Variants in LOC400499 observed in about 807,000 individuals in gnomAD.
At chr16:11,383,883 C>T in the LOC400499 span, 1 of 1,232,190 alleles carries the variant, frequency 8.1e-7, no homozygotes, top group Non-Finnish European at 1.0e-6. Flanking sequence ...GGCTCACACT[C>T]ACCACCCGGA....
the LOC400499 span, among the ~76,000 whole-genome samples, chr16:11,486,449 T>A: frequency 7.6e-6 from 1 of 132,120 alleles, no homozygotes; most frequent in Non-Finnish European, 1.6e-5. Context: ...GATGGATGAA[T>A]GGTACATGGG....
At chr16:11,516,273 G>A in the LOC400499 span, 1 of 399,626 alleles carries the variant, frequency 2.5e-6, no homozygotes, top group Non-Finnish European at 4.4e-6. Flanking sequence ...CCAGAGTGCA[G>A]GATGAAGCGG....
At chr16:11,385,756 G>A in the LOC400499 span, among the ~76,000 whole-genome samples, 1 of 152,354 alleles carries the variant, frequency 6.6e-6, no homozygotes, top group South Asian at 2.1e-4. Flanking sequence ...CACAGCCATG[G>A]ACAGAAGGCA....
the LOC400499 span, among the ~76,000 whole-genome samples, chr16:11,378,275 G>C: frequency 8.0e-6 from 1 of 124,568 alleles, no homozygotes; most frequent in Non-Finnish European, 1.8e-5. Context: ...TTGCCGGGGG[G>C]AGGGGGGAGG....
the LOC400499 span, chr16:11,447,900 A>G: frequency 6.6e-7 from 1 of 1,517,538 alleles, no homozygotes. Flanking sequence ...GGAAACTTGC[A>G]GGGGTGTCAG....
At chr16:11,473,387 G>A in the LOC400499 span, among the ~76,000 whole-genome samples, 3 of 150,774 alleles carry the variant, frequency 2.0e-5, no homozygotes, top group African/African-American at 7.3e-5. Context: ...CCTATTATTT[G>A]GCACATTTAT....
chr16:11,461,152 T>A, the LOC400499 span: 1 of 1,514,860 alleles, frequency 6.6e-7, no homozygotes. Context: ...GATGAGAGGG[T>A]CAGCCCCCAG....
chr16:11,404,353 G>C, the LOC400499 span, among the ~76,000 whole-genome samples: 1 of 152,140 alleles, frequency 6.6e-6, no homozygotes, highest in African/African-American at 2.4e-5. Context: ...CAGGTGCTCA[G>C]TCATGGCTTT....
At chr16:11,425,165 C>T in the LOC400499 span, 35 of 398,938 alleles carry the variant, frequency 8.8e-5, no homozygotes, top group Non-Finnish European at 1.5e-4. Flanking sequence ...TCGGGCCACC[C>T]GCAAGCTGTC....
the LOC400499 span, among the ~76,000 whole-genome samples, chr16:11,504,543 G>A: frequency 1.6e-4 from 24 of 151,308 alleles, no homozygotes; most frequent in African/African-American, 2.9e-4. Flanking sequence ...GCAACAGAGC[G>A]AGACTCCGTC....
At chr16:11,389,809 G>A in the LOC400499 span, among the ~76,000 whole-genome samples, 1 of 151,954 alleles carries the variant, frequency 6.6e-6, no homozygotes, top group South Asian at 2.1e-4. Context: ...CCCCGGTGTA[G>A]ATGACTTCCT....
the LOC400499 span, among the ~76,000 whole-genome samples, chr16:11,412,314 T>A: frequency 0.025 from 3,795 of 152,284 alleles, 177 homozygotes; most frequent in African/African-American, 0.086. Flanking sequence ...CTTAGCAGCA[T>A]CCGTGGCCTC....
At chr16:11,457,787 C>T in the LOC400499 span, among the ~76,000 whole-genome samples, 6 of 152,078 alleles carry the variant, frequency 3.9e-5, no homozygotes, top group African/African-American at 1.4e-4. Flanking sequence ...AACAGATGAA[C>T]GGATAAACAA....
chr16:11,399,233 TC>T, the LOC400499 span: 1 of 985,038 alleles, frequency 1.0e-6, no homozygotes, highest in Non-Finnish European at 1.2e-6. Context: ...CCCCATCTGT[TC>T]CCAGCATCTC....
chr16:11,414,833 G>T, the LOC400499 span, among the ~76,000 whole-genome samples: 7 of 152,188 alleles, frequency 4.6e-5, no homozygotes, highest in African/African-American at 1.7e-4. Context: ...TGGCTGCCAG[G>T]CATCCTCCAT....
the LOC400499 span, chr16:11,469,308 C>G: frequency 1.8e-5 from 7 of 399,168 alleles, no homozygotes; most frequent in Non-Finnish European, 2.7e-5. Flanking sequence ...TGGATCTGGC[C>G]CCTCCGTCCC....
the LOC400499 span, among the ~76,000 whole-genome samples, chr16:11,480,269 A>G: frequency 2.6e-5 from 4 of 152,264 alleles, no homozygotes; most frequent in Admixed American, 2.6e-4. Flanking sequence ...TCTAAGAAAA[A>G]CTGTTTATAT....
At chr16:11,477,050 T>TCCACCACTG in the LOC400499 span, 34 of 399,912 alleles carry the variant, frequency 8.5e-5, no homozygotes, top group Admixed American at 2.6e-4. Context: ...CAGCAGCCCC[T>TCCACCACTG]CCACCACTGC....
chr16:11,416,360 G>A, the LOC400499 span, among the ~76,000 whole-genome samples: 6 of 152,148 alleles, frequency 3.9e-5, no homozygotes, highest in East Asian at 9.6e-4. Flanking sequence ...ATGGGGGTCA[G>A]AGGATGGCTC....
Sources: gnomAD v4.1 joint callset for allele counts (sites outside exome capture counted in the v4.1 genomes callset) on GRCh38, gnomAD v4.1.1 for gene constraint, MANE v1.5 for transcripts.